VPS39: variants seen among roughly 807,000 people sequenced by gnomAD.
The protein encoded by VPS39 is VPS39 subunit of HOPS complex.
A neutral mutation model predicts 121.0 loss-of-function variants in VPS39; 70 were observed. The observed-to-expected ratio is 0.58, with a 90% CI of 0.48 to 0.71. The LOEUF is 0.71. Ranked by LOEUF, VPS39 falls within the 30% of genes least tolerant of loss-of-function variation. The probability of loss-of-function intolerance (pLI) is 0.00; values close to 1 mark genes in which losing one functional copy is unlikely to be tolerated. For synonymous variants in VPS39, 378 were observed against 398.1 expected (o/e 0.95, Z 0.60); for missense variants, 818 against 1,051.5 (o/e 0.78, Z 3.07).
intron 10 of VPS39, among the ~76,000 whole-genome samples, chr15:42,175,553 T>C (rs781185239): frequency 2.6e-5 from 4 of 152,196 alleles, no homozygotes; most frequent in Non-Finnish European, 4.4e-5. Context: ...TTTCCCCTTA[T>C]ACCTCTTTAG....
chr15:42,199,826 A>T (rs1283387549), intron 2 of VPS39, 70 bp downstream of exon 2: 12 of 1,477,350 alleles, frequency 8.1e-6, no homozygotes, highest in Non-Finnish European at 1.1e-5. Flanking sequence ...GTCCAGGAAT[A>T]ACTGATTTCA....
At chr15:42,176,972 G>A (rs1217503386) in intron 10 of VPS39, among the ~76,000 whole-genome samples, 2 of 151,928 alleles carry the variant, frequency 1.3e-5, no homozygotes, top group East Asian at 1.9e-4. Flanking sequence ...AGACCAGCCT[G>A]GGCAACAAAG....
chr15:42,170,152 A>G (rs914546166), intron 11 of VPS39, among the ~76,000 whole-genome samples: 2 of 152,198 alleles, frequency 1.3e-5, no homozygotes, highest in East Asian at 1.9e-4. Context: ...AGAATAAAAA[A>G]TTTCTAAGGA....
chr15:42,169,703 C>T (rs377152079), intron 12 of VPS39, 21 bp downstream of exon 12: 12 of 1,597,160 alleles, frequency 7.5e-6, no homozygotes, highest in East Asian at 2.2e-5. Context: ...AACTCTTTCA[C>T]GCACTCTGTA....
intron 5 of VPS39, 65 bp from the exon 6 acceptor site, chr15:42,187,921 T>G (rs118046627): frequency 0.015 from 22,149 of 1,461,854 alleles, 221 homozygotes; most frequent in Non-Finnish European, 0.019. Flanking sequence ...GATAACTAAA[T>G]TAGAGATTGT....
rs768026722 is a variant in VPS39 at position 42,184,581 on chromosome 15, G to C, written c.654C>G (p.Leu218=). 6 of 1,614,106 alleles carry C rather than the reference G, an allele frequency of 3.7e-6. No homozygotes were observed. The highest frequency in any genetic ancestry group is 4.2e-6 in the Non-Finnish European group (5 of 1,180,024). ...AVGQDDLTVV[L]NEEGICTQKC... ...TCTGTGTGCAGATCCCTTCCTCATT[G>C]AGTACCACGGTGAGATCATCCTGGC... The change falls in exon 8 of 25, where the codon CTC becomes CTG. Residue 218 remains leucine (L), a synonymous_variant. Transcript: ENST00000318006.
At position 42,161,697 on chromosome 15, in the gene VPS39, T is replaced by A. The variant is rs185398866; in HGVS notation, c.2537A>T (p.Lys846Met). 8.1e-6 allele frequency: 13 copies of A among 1,614,246 alleles called. No individual in the cohort carries two copies. The highest frequency in any genetic ancestry group is 1.3e-5 in the African/African-American group (1 of 75,062). ...TEEKVCMVCK[K>M]KIGNSAFARY... is the part of the protein sequence containing the mutation. ...GGAGGCTCACCTGTTCCCAATCTTCTTCTTACACACCATGCACACCTTCTC... is the reference window on the plus strand; with the variant it reads ...GGAGGCTCACCTGTTCCCAATCTTCATCTTACACACCATGCACACCTTCTC... The change falls in exon 24 of 25, where the codon AAG becomes ATG. Residue 846 changes from lysine to methionine, a missense_variant. Physicochemically the swap from Lys to Met is moderately conservative, Grantham distance 95. Coordinates refer to ENST00000318006, the MANE Select transcript of VPS39 (RefSeq NM_015289.5).
Position 42,208,077 on chromosome 15 carries a change from T to G in VPS39, c.73+4A>C. The G allele has an allele frequency of 6.3e-7, 1 of 1,578,228 alleles. No individual in the cohort carries two copies. Reference sequence around the variant, plus strand: ...CGCCTCGGCCCCGCGGCCCCTCGGCTCACCCCAGGCAGCCAGACAGTCGAT... The same window carrying G: ...CGCCTCGGCCCCGCGGCCCCTCGGCGCACCCCAGGCAGCCAGACAGTCGAT... On this transcript the variant is annotated splice_donor_region_variant and intron_variant, in intron 1 of 24. Coordinates refer to ENST00000318006, the MANE Select transcript of VPS39 (RefSeq NM_015289.5).
chr15:42,173,691 G>C (rs1251383204), intron 11 of VPS39, 32 bp downstream of exon 11: 1 of 1,605,928 alleles, frequency 6.2e-7, no homozygotes, highest in East Asian at 2.2e-5. Context: ...TCCTCCATTA[G>C]TCCCTTATAT....
At chr15:42,175,755 A>G (rs2049439906) in intron 10 of VPS39, among the ~76,000 whole-genome samples, 1 of 151,968 alleles carries the variant, frequency 6.6e-6, no homozygotes, top group Non-Finnish European at 1.5e-5. Flanking sequence ...CTGAGTCCCA[A>G]ACACTTAGGC....
chr15:42,162,132 T>C lies in VPS39; in HGVS notation c.2360A>G (p.Asn787Ser), dbSNP rs759992070. ...LNLLPANTQI[N>S]DIRIFLEKVL... is the part of the protein sequence containing the mutation. ...CTTTTCCAGGAAGATGCGTATGTCA[T>C]TGATCTGAGTGTTTGCTGGCAGAAG... Residue 787 changes from asparagine to serine, a missense_variant, in exon 23 of 25, where the codon AAT becomes AGT. Transcript: ENST00000318006. The C allele has an allele frequency of 2.7e-5, 44 of 1,614,098 alleles. No homozygotes were observed. Among genetic ancestry groups the C allele is most frequent in the East Asian group, 1.8e-4 (8 of 44,904 alleles).
At chr15:42,191,222 A>C (rs2049821628) in intron 3 of VPS39, 55 bp from the exon 4 acceptor site, 1 of 1,596,388 alleles carries the variant, frequency 6.3e-7, no homozygotes, top group Admixed American at 1.7e-5. Flanking sequence ...AGGTTTAGCA[A>C]ATGTTCATTC....
chr15:42,179,579 A>C (rs1184431363), intron 8 of VPS39, among the ~76,000 whole-genome samples: 1 of 6,254 alleles, frequency 1.6e-4, no homozygotes. Flanking sequence ...CCATCTCAAT[A>C]AATAAATAAA....
chr15:42,173,137 C>T (rs1430949354), intron 11 of VPS39, among the ~76,000 whole-genome samples: 1 of 152,220 alleles, frequency 6.6e-6, no homozygotes, highest in Non-Finnish European at 1.5e-5. Context: ...GTGCCACACA[C>T]TGTTCAAAGC....
intron 21 of VPS39, 42 bp from the exon 22 acceptor site, chr15:42,162,523 C>A: frequency 1.3e-6 from 2 of 1,556,176 alleles, no homozygotes; most frequent in South Asian, 2.4e-5. Flanking sequence ...TGGCAGCAAC[C>A]CTCCCAGAAC....
chr15:42,160,847 G>C lies in VPS39; in HGVS notation c.2553-18C>G, dbSNP rs752592811. ...CAAATGCACTGCAGGGAAGAAAATGGCTTGGGAGTGAGGACTGCTTCTAAG... is the reference window on the plus strand; with the variant it reads ...CAAATGCACTGCAGGGAAGAAAATGCCTTGGGAGTGAGGACTGCTTCTAAG... On this transcript the variant is annotated intron_variant, in intron 24 of 24. Coordinates refer to ENST00000318006, the MANE Select transcript of VPS39 (RefSeq NM_015289.5). 6.2e-6 allele frequency: 10 copies of C among 1,613,676 alleles called. No individual in the cohort carries two copies.
rs761194278 is a variant in VPS39 at position 42,191,585 on chromosome 15, T to A, written c.140-25A>T. 4 of 1,601,336 alleles carry A rather than the reference T, an allele frequency of 2.5e-6. No homozygotes were observed. The South Asian group carries it at 4.4e-5, about 18-fold the overall frequency. On this transcript the variant is annotated intron_variant, in intron 2 of 24. Coordinates refer to ENST00000318006, the MANE Select transcript of VPS39 (RefSeq NM_015289.5). ...CCTATGGAAAACAAATAAACACTGGTAGTTCCAAATACAGGGATACATAGA... is the reference window on the plus strand; with the variant it reads ...CCTATGGAAAACAAATAAACACTGGAAGTTCCAAATACAGGGATACATAGA...
chr15:42,166,290 G>A (rs578252609), intron 15 of VPS39, 58 bp from the exon 16 acceptor site: 4 of 1,534,298 alleles, frequency 2.6e-6, no homozygotes, highest in East Asian at 4.5e-5. Context: ...GTGGCACTGG[G>A]AAGGCAGGTG....
intron 10 of VPS39, 89 bp downstream of exon 10, chr15:42,178,129 C>G: frequency 6.3e-7 from 1 of 1,576,264 alleles, no homozygotes; most frequent in Non-Finnish European, 8.6e-7. Flanking sequence ...GCTTATTCTA[C>G]TAACCCAAAA....
Sources: allele counts gnomAD v4.1 joint callset (sites outside exome capture counted in the v4.1 genomes callset), GRCh38; gene constraint gnomAD v4.1.1; transcripts MANE v1.5; gene names NCBI Gene and HGNC (gene_info 2026-07-23, HGNC 2026-07-21).